The following CMTM8 variants were observed in gnomAD, a reference collection of about 807,000 sequenced individuals.
The protein encoded by CMTM8 is CKLF like MARVEL transmembrane domain containing 8.
Under a neutral mutation model 18.6 loss-of-function variants are expected in CMTM8, and 12 were observed. The ratio of observed to expected loss-of-function variants is 0.65; its 90% CI spans 0.41 to 1.05. CMTM8 has a LOEUF of 1.05. Among genes scored for constraint, CMTM8 ranks in the 50% least tolerant of loss-of-function variants. The probability of loss-of-function intolerance (pLI) is 0.00; values close to 1 mark genes in which losing one functional copy is unlikely to be tolerated. For synonymous variants in CMTM8, 87 were observed against 90.6 expected, an observed-to-expected ratio of 0.96 and a Z score of 0.23; for missense variants, 217 against 227.2, an observed-to-expected ratio of 0.95 and a Z score of 0.29.
intron 1 of CMTM8, among the ~76,000 whole-genome samples, chr3:32,316,080 A>G (rs960516265): frequency 3.1e-5 from 4 of 127,846 alleles, no homozygotes; most frequent in Admixed American, 1.0e-4. Context: ...AGGCTGGAGT[A>G]CAGTGGCGCG....
intron 1 of CMTM8, among the ~76,000 whole-genome samples, chr3:32,347,846 A>G (rs957868487): frequency 2.0e-5 from 3 of 152,128 alleles, no homozygotes; most frequent in Non-Finnish European, 2.9e-5. Flanking sequence ...AGAAAGTAAA[A>G]TGACATCAGG....
intron 1 of CMTM8, among the ~76,000 whole-genome samples, chr3:32,355,752 A>T (rs1195093531): frequency 6.6e-6 from 1 of 152,170 alleles, no homozygotes. Context: ...CCAGCTCTCT[A>T]ACACTTTGCA....
At chr3:32,308,543 G>T (rs1403012988) in intron 1 of CMTM8, among the ~76,000 whole-genome samples, 2 of 152,028 alleles carry the variant, frequency 1.3e-5, no homozygotes, top group African/African-American at 4.8e-5. Flanking sequence ...AGGAGATCGG[G>T]GCTCTATCAT....
intron 1 of CMTM8, among the ~76,000 whole-genome samples, chr3:32,321,948 T>C (rs1178651077): frequency 6.6e-6 from 1 of 152,240 alleles, no homozygotes; most frequent in Non-Finnish European, 1.5e-5. Context: ...CATTTGTTTA[T>C]ATGTTGGCCA....
At chr3:32,314,032 A>G (rs1230180850) in intron 1 of CMTM8, among the ~76,000 whole-genome samples, 1 of 152,194 alleles carries the variant, frequency 6.6e-6, no homozygotes, top group Non-Finnish European at 1.5e-5. Flanking sequence ...TCTAAGCATC[A>G]TAAAGGAAGA....
intron 1 of CMTM8, among the ~76,000 whole-genome samples, chr3:32,273,347 C>CAT (rs1553603082): frequency 7.3e-5 from 11 of 151,630 alleles, no homozygotes; most frequent in Admixed American, 2.0e-4. Flanking sequence ...CACACACACA[C>CAT]ATATATATAT....
At chr3:32,269,424 A>C (rs1277670297) in intron 1 of CMTM8, among the ~76,000 whole-genome samples, 1 of 152,244 alleles carries the variant, frequency 6.6e-6, no homozygotes, top group African/African-American at 2.4e-5. Flanking sequence ...TTTTCACATC[A>C]TGAACTAATG....
At chr3:32,326,111 A>G (rs1414432599) in intron 1 of CMTM8, among the ~76,000 whole-genome samples, 3 of 152,220 alleles carry the variant, frequency 2.0e-5, no homozygotes, top group South Asian at 4.1e-4. Context: ...CCTCCCCACT[A>G]TACCACTCAT....
intron 1 of CMTM8, among the ~76,000 whole-genome samples, chr3:32,356,094 G>T (rs1036429838): frequency 3.3e-5 from 5 of 152,184 alleles, no homozygotes; most frequent in African/African-American, 1.2e-4. Flanking sequence ...GTATACCACT[G>T]TCCTTGGGGC....
intron 1 of CMTM8, among the ~76,000 whole-genome samples, chr3:32,249,399 C>G (rs1338725395): frequency 2.0e-5 from 3 of 149,086 alleles, no homozygotes; most frequent in African/African-American, 7.5e-5. Context: ...CACTGCACTC[C>G]AGCCTGGGTG....
At chr3:32,369,807 A>T in intron 3 of CMTM8, 77 bp from the exon 4 acceptor site, 1 of 872,194 alleles carries the variant, frequency 1.1e-6, no homozygotes, top group Non-Finnish European at 1.9e-6. Flanking sequence ...TGGGTGATTC[A>T]ATGGAGGTGA....
At chr3:32,351,988 C>T (rs1302161198) in intron 1 of CMTM8, among the ~76,000 whole-genome samples, 1 of 151,840 alleles carries the variant, frequency 6.6e-6, no homozygotes, top group African/African-American at 2.4e-5. Flanking sequence ...ACCAGCCCGG[C>T]CCACATGGTG....
chr3:32,306,504 C>G, intron 1 of CMTM8, among the ~76,000 whole-genome samples: 1 of 152,184 alleles, frequency 6.6e-6, no homozygotes, highest in East Asian at 1.9e-4. Context: ...ATGCATCCAC[C>G]ACCTTTTGCC....
Position 32,319,057 on chromosome 3 carries a change from C to CATATAT in CMTM8, c.148-38303_148-38298dup, listed in dbSNP as rs1553605520. On this transcript the variant is annotated intron_variant, in intron 1 of 3. Coordinates refer to ENST00000307526, the MANE Select transcript of CMTM8 (RefSeq NM_178868.5). Reference sequence around the variant, plus strand: ...AAATTTATATATATGTGTGTATATACATATATATATATATATATTTTTTTT... The same window carrying CATATAT: ...AAATTTATATATATGTGTGTATATACATATATATATATATATATATATATTTTTTTT... Among the ~76,000 whole-genome samples the CATATAT allele has an allele frequency of 8.4e-3, 383 of 45,826 alleles. 29 individuals are homozygous for CATATAT. Among genetic ancestry groups the CATATAT allele is most frequent in the Middle Eastern group, 0.045 (3 of 66 alleles). 30.1% of individuals were successfully genotyped at this position (45,826 alleles called of 152,430 possible).
intron 1 of CMTM8, chr3:32,259,105 AC>A (rs1368903947): frequency 4.8e-5 from 19 of 393,232 alleles, no homozygotes; most frequent in African/African-American, 4.0e-4. Context: ...GTCCTGCTCC[AC>A]CAGCTTCCAG....
intron 2 of CMTM8, 125 bp downstream of exon 2, chr3:32,357,671 A>G (rs1277553268): frequency 1.1e-6 from 1 of 893,068 alleles, no homozygotes; most frequent in South Asian, 2.0e-5. Context: ...GGAGAACTCA[A>G]CACAGCAGAT....
At chr3:32,259,174 G>A in intron 1 of CMTM8, 2 of 459,690 alleles carry the variant, frequency 4.4e-6, no homozygotes, top group South Asian at 1.9e-5. Context: ...GGCAGAAATG[G>A]GAGGCATCCA....
At chr3:32,315,347 C>G (rs747762746) in intron 1 of CMTM8, among the ~76,000 whole-genome samples, 6 of 152,108 alleles carry the variant, frequency 3.9e-5, no homozygotes, top group Non-Finnish European at 8.8e-5. Context: ...CCAGGCTGGT[C>G]TCGAACTCCT....
chr3:32,266,779 CA>C (rs1489871339), intron 1 of CMTM8, among the ~76,000 whole-genome samples: 1 of 152,178 alleles, frequency 6.6e-6, no homozygotes, highest in East Asian at 1.9e-4. Context: ...AATCAATGTG[CA>C]AAAATCACAG....
Sources: gnomAD v4.1 joint callset for allele counts (sites outside exome capture counted in the v4.1 genomes callset) on GRCh38, gnomAD v4.1.1 for gene constraint, MANE v1.5 for transcripts, NCBI Gene and HGNC (gene_info 2026-07-23, HGNC 2026-07-21) for gene names.